CCSER2: variants seen among roughly 807,000 people sequenced by gnomAD.
CCSER2 encodes the protein serine-rich coiled-coil domain-containing protein 2.
Under a neutral mutation model 92.3 loss-of-function variants are expected in CCSER2, and 46 were observed. The observed-to-expected ratio is 0.50, with a 90% CI of 0.39 to 0.64. CCSER2 has a LOEUF of 0.64. Ranked by LOEUF, CCSER2 falls within the 30% of genes least tolerant of loss-of-function variation. The probability of loss-of-function intolerance (pLI) is 0.00; values close to 1 mark genes in which losing one functional copy is unlikely to be tolerated. For missense variants in CCSER2, 1,244 were observed against 1,238.9 expected (o/e 1.00, Z -0.06); for synonymous variants, 433 against 431.4 (o/e 1.00, Z -0.04).
chr10:84,509,503 C>T (rs57190292), intron 9 of CCSER2, among the ~76,000 whole-genome samples: 15,179 of 152,180 alleles, frequency 0.1, 960 homozygotes, highest in Admixed American at 0.15. Flanking sequence ...TTTGCACAAC[C>T]CCCCTGTAGT....
At chr10:84,472,532 A>T (rs1369404372) in intron 8 of CCSER2, among the ~76,000 whole-genome samples, 1 of 152,162 alleles carries the variant, frequency 6.6e-6, no homozygotes, top group Non-Finnish European at 1.5e-5. Flanking sequence ...AGATCATGCC[A>T]CTGCACTTCA....
intron 1 of CCSER2, among the ~76,000 whole-genome samples, chr10:84,345,871 G>A (rs868054361): frequency 1.3e-5 from 2 of 152,020 alleles, no homozygotes; most frequent in African/African-American, 2.4e-5. Context: ...AAGGTCATAG[G>A]CATTTTCACT....
At chr10:84,340,262 G>C (rs1246482505) in intron 1 of CCSER2, among the ~76,000 whole-genome samples, 2 of 152,090 alleles carry the variant, frequency 1.3e-5, no homozygotes, top group South Asian at 2.1e-4. Context: ...TTGTGTTCCT[G>C]TTAACATTAT....
chr10:84,352,902 T>C (rs1007403463), intron 1 of CCSER2, among the ~76,000 whole-genome samples: 9 of 152,126 alleles, frequency 5.9e-5, no homozygotes, highest in African/African-American at 1.7e-4. Context: ...TTGACTCTTA[T>C]GCCTCAGCCT....
At chr10:84,361,572 G>A (rs1330447776) in intron 1 of CCSER2, among the ~76,000 whole-genome samples, 1 of 151,744 alleles carries the variant, frequency 6.6e-6, no homozygotes, top group Non-Finnish European at 1.5e-5. Context: ...TATCTGTATT[G>A]TTGCATATAG....
At chr10:84,445,819 A>G (rs1844879584) in intron 6 of CCSER2, among the ~76,000 whole-genome samples, 2 of 152,172 alleles carry the variant, frequency 1.3e-5, no homozygotes. Context: ...CCATTGTGTT[A>G]ATATGGCACA....
At chr10:84,417,577 G>GA (rs1414353484) in intron 3 of CCSER2, among the ~76,000 whole-genome samples, 194 bp from the exon 4 acceptor site, 4 of 152,194 alleles carry the variant, frequency 2.6e-5, no homozygotes, top group Admixed American at 6.5e-5. Context: ...AAGACTAGGA[G>GA]AAGGATGTTA....
At chr10:84,431,369 A>G (rs945615988) in intron 5 of CCSER2, among the ~76,000 whole-genome samples, 1 of 152,126 alleles carries the variant, frequency 6.6e-6, no homozygotes, top group Non-Finnish European at 1.5e-5. Flanking sequence ...GATAGTAGAT[A>G]GTCTTTTCAG....
intron 1 of CCSER2, among the ~76,000 whole-genome samples, chr10:84,335,389 T>C (rs1265821716): frequency 1.3e-5 from 2 of 151,660 alleles, no homozygotes; most frequent in Non-Finnish European, 2.9e-5. Flanking sequence ...ACTACAGGCA[T>C]GTACCACCAT....
rs527896188 is a variant in CCSER2 at position 84,395,770 on chromosome 10, C to T, written c.1614+21955C>T. 5.8e-4 allele frequency among the ~76,000 whole-genome samples: 88 copies of T among 152,242 alleles called. 1 individual carries two copies. The East Asian group carries it at 0.014, about 24-fold the overall frequency. ...ACCATTGGGAAACCCAGATTTCAGC[C>T]GTAGCTGAATAAGTAGTGTCTCATA... is the stretch of plus-strand genomic sequence containing the variant. On this transcript the variant is annotated intron_variant, in intron 3 of 9. Transcript: ENST00000372088.
At chr10:84,379,773 A>ATGTTTTTTGTGTATATGTGTATTTAT (rs1840795038) in intron 3 of CCSER2, among the ~76,000 whole-genome samples, 1 of 152,120 alleles carries the variant, frequency 6.6e-6, no homozygotes, top group Non-Finnish European at 1.5e-5. Context: ...TTTCTTTTTT[A>ATGTTTTTTGTGTATATGTGTATTTAT]ACTCAATTTT....
chr10:84,339,806 C>A (rs1844070806), intron 1 of CCSER2, among the ~76,000 whole-genome samples: 1 of 150,548 alleles, frequency 6.6e-6, no homozygotes, highest in South Asian at 2.1e-4. Context: ...TACCATTCAT[C>A]TTCTCAGCCT....
intron 3 of CCSER2, among the ~76,000 whole-genome samples, chr10:84,397,386 G>T (rs949797555): frequency 1.3e-5 from 2 of 152,182 alleles, no homozygotes; most frequent in African/African-American, 2.4e-5. Context: ...AAAATGTGAT[G>T]GGGCTGTCCT....
chr10:84,397,345 G>A (rs941651606), intron 3 of CCSER2, among the ~76,000 whole-genome samples: 4 of 152,150 alleles, frequency 2.6e-5, no homozygotes, highest in Admixed American at 1.3e-4. Context: ...TTTAAAAAAT[G>A]TTACTGAAAC....
At chr10:84,495,307 T>C (rs932176974) in intron 9 of CCSER2, among the ~76,000 whole-genome samples, 1 of 152,132 alleles carries the variant, frequency 6.6e-6, no homozygotes, top group Admixed American at 6.5e-5. Context: ...TTTGATCCCA[T>C]TGTGGTCAGA....
In CCSER2 at chr10:84,518,505, C is replaced by T. The variant is rs1005988704; in HGVS notation, c.*4238C>T. On this transcript the variant is annotated 3_prime_UTR_variant, in exon 10 of 10. Coordinates refer to ENST00000372088, the MANE Select transcript of CCSER2 (RefSeq NM_001284240.2). ...TGGCATAGTAAATAAAAATAAAGTTCATAATTATAAAAGTTCTCTTGTCTT... is the reference window on the plus strand; with the variant it reads ...TGGCATAGTAAATAAAAATAAAGTTTATAATTATAAAAGTTCTCTTGTCTT... 3 of 152,598 alleles carry T rather than the reference C, an allele frequency of 2.0e-5. No homozygotes were observed. The highest frequency in any genetic ancestry group is 4.4e-5 in the Non-Finnish European group (3 of 68,022). The allele number at this position is 152,598 out of a possible 1,614,324, so 9.5% of individuals were successfully genotyped here.
At chr10:84,411,681 T>A (rs1317324135) in intron 3 of CCSER2, among the ~76,000 whole-genome samples, 2 of 152,260 alleles carry the variant, frequency 1.3e-5, no homozygotes, top group East Asian at 3.8e-4. Context: ...TTTGCTGAAG[T>A]TGCTTATCAG....
intron 3 of CCSER2, among the ~76,000 whole-genome samples, chr10:84,410,615 C>A (rs1442845236): frequency 6.6e-6 from 1 of 152,046 alleles, no homozygotes; most frequent in Non-Finnish European, 1.5e-5. Flanking sequence ...GGATTGTTTG[C>A]TTATTTTCTA....
intron 3 of CCSER2, 108 bp from the exon 4 acceptor site, chr10:84,417,663 C>A: frequency 3.6e-6 from 2 of 559,828 alleles, no homozygotes; most frequent in Admixed American, 2.8e-5. Context: ...TCTTTCAGTG[C>A]AGATAATGAG....
Sources: allele counts gnomAD v4.1 joint callset (sites outside exome capture counted in the v4.1 genomes callset), GRCh38; gene constraint gnomAD v4.1.1; transcripts MANE v1.5; gene names NCBI Gene and HGNC (gene_info 2026-07-23, HGNC 2026-07-21).